SATB1: variants seen among roughly 807,000 people sequenced by gnomAD.
SATB1 encodes the protein DNA-binding protein SATB1.
SATB1 carries 11 observed loss-of-function variants against 86.9 expected under a neutral mutation model. That is an observed-to-expected ratio of 0.13 (90% CI 0.08 to 0.21). The LOEUF (loss-of-function observed/expected upper bound fraction) is 0.21, where lower values mean the gene tolerates loss of function less well. Ranked by LOEUF, SATB1 falls within the 10% of genes least tolerant of loss-of-function variation. The probability of loss-of-function intolerance (pLI) is 1.00; values close to 1 mark genes in which losing one functional copy is unlikely to be tolerated. For synonymous variants in SATB1, 357 were observed against 357.2 expected, an observed-to-expected ratio of 1.00 and a Z score of 0.01; for missense variants, 551 against 937.6, an observed-to-expected ratio of 0.59 and a Z score of 5.39.
rs1316595762 is a variant in SATB1, at chr3:18,347,028, T to G, written c.*2142A>C. On this transcript the variant is annotated 3_prime_UTR_variant, in exon 11 of 11. Coordinates refer to ENST00000338745, the MANE Select transcript of SATB1 (RefSeq NM_002971.6). ...TAAGTTTGCAACAAACCAGCTGCCT[T>G]CAGAGGAGCTTAGCTGTGCTTCAAA... 6.6e-6 allele frequency: 1 copy of G among 152,196 alleles called. No homozygotes were observed. Among genetic ancestry groups the G allele is most frequent in the Non-Finnish European group, 1.5e-5 (1 of 68,022 alleles). 9.4% of individuals were successfully genotyped at this position (152,196 alleles called of 1,614,324 possible).
intron 2 of SATB1, chr3:18,417,365 C>T (rs1046252216): frequency 3.6e-6 from 2 of 562,198 alleles, no homozygotes; most frequent in East Asian, 6.1e-5. Context: ...GCAGAATTAC[C>T]TTTCTGATCA....
chr3:18,379,259 C>A (rs562679640), intron 8 of SATB1, among the ~76,000 whole-genome samples: 2 of 152,208 alleles, frequency 1.3e-5, no homozygotes, highest in South Asian at 4.2e-4. Context: ...TTTAAAACTC[C>A]AAATTTATTT....
chr3:18,420,561 C>A, intron 2 of SATB1, 196 bp downstream of exon 2: 1 of 588,522 alleles, frequency 1.7e-6, no homozygotes, highest in Non-Finnish European at 3.0e-6. Flanking sequence ...TACAGTAGAA[C>A]GCTCCACCCA....
rs1697908052 is a variant in SATB1 at position 18,412,512 on chromosome 3, CT to C, written c.639+2598del. ...TTATCATATTCAACAAAATAAAACC[CT>C]TACTGTACAGTAAAATGTGTATGGT... On this transcript the variant is annotated intron_variant, in intron 5 of 10. Transcript: ENST00000338745. 3.9e-5 allele frequency among the ~76,000 whole-genome samples: 6 copies of C among 152,098 alleles called. No homozygotes were observed. The South Asian group carries it at 1.2e-3, about 32-fold the overall frequency.
intron 9 of SATB1, among the ~76,000 whole-genome samples, chr3:18,366,808 A>G (rs1288283060): frequency 1.3e-5 from 2 of 152,118 alleles, no homozygotes. Flanking sequence ...AATTCAACCC[A>G]TTATATGCCA....
At chr3:18,364,491 A>G (rs1226572255) in intron 9 of SATB1, among the ~76,000 whole-genome samples, 1 of 152,092 alleles carries the variant, frequency 6.6e-6, no homozygotes, top group Admixed American at 6.6e-5. Context: ...ACAAATTCAT[A>G]GGTATTGCTA....
rs544781053 is a variant in SATB1 at position 18,348,557 on chromosome 3, G to T, written c.*613C>A. 4 of 152,204 alleles carry T rather than the reference G, an allele frequency of 2.6e-5. No homozygotes were observed. The highest frequency in any genetic ancestry group is 1.3e-4 in the Admixed American group (2 of 15,250). 9.4% of individuals were successfully genotyped at this position (152,204 alleles called of 1,614,324 possible). ...TCTTTTCCTTTTTTTAAAAAATCAT[G>T]TAACAATGAGAATGAAAAAAAAGTA... is the stretch of plus-strand genomic sequence containing the variant. On this transcript the variant is annotated 3_prime_UTR_variant, in exon 11 of 11. Coordinates refer to ENST00000338745, the MANE Select transcript of SATB1 (RefSeq NM_002971.6).
chr3:18,370,119 T>C (rs559827424), intron 9 of SATB1, among the ~76,000 whole-genome samples: 50 of 152,298 alleles, frequency 3.3e-4, no homozygotes, highest in South Asian at 1.0e-3. Flanking sequence ...CCCGGCGTAT[T>C]TGGCTGCCTG....
At chr3:18,404,355 G>C (rs1206340379) in intron 5 of SATB1, among the ~76,000 whole-genome samples, 1 of 151,980 alleles carries the variant, frequency 6.6e-6, no homozygotes, top group East Asian at 1.9e-4. Flanking sequence ...TCAATTTGTT[G>C]AGAAGAGACT....
rs1299934077 is a variant in SATB1 at position 18,348,542 on chromosome 3, T to C, written c.*628A>G. The C allele has an allele frequency of 6.6e-6, 1 of 152,578 alleles. No individual in the cohort carries two copies. The highest frequency in any genetic ancestry group is 6.5e-5 in the Admixed American group (1 of 15,276). 9.5% of individuals were successfully genotyped at this position (152,578 alleles called of 1,614,324 possible). A position where few individuals can be genotyped will look rare whatever the true frequency, so the allele number is the denominator to read the frequency against. The stretch of plus-strand genomic sequence containing the variant: ...TTGTGTTTCACATTTTCTTTTCCTT[T>C]TTTTAAAAAATCATGTAACAATGAG... On this transcript the variant is annotated 3_prime_UTR_variant, in exon 11 of 11. Transcript: ENST00000338745.
chr3:18,419,165 T>A (rs1255621798), intron 2 of SATB1, among the ~76,000 whole-genome samples: 1 of 152,204 alleles, frequency 6.6e-6, no homozygotes, highest in Admixed American at 6.5e-5. Flanking sequence ...GGCTATAAAG[T>A]GACAATAGTA....
chr3:18,430,755 T>C lies in SATB1; in HGVS notation c.-25+6034A>G, dbSNP rs191312930. Among the ~76,000 whole-genome samples the C allele has an allele frequency of 3.3e-4, 51 of 152,330 alleles. No individual in the cohort carries two copies. In the East Asian group the frequency reaches 8.3e-3, roughly 25 times the overall value. ...GGTTTTGTTTTCTTCCCCTAAGAAG[T>C]TGAGTTTCAGTTTTAGCTAGAATGA... On this transcript the variant is annotated intron_variant, in intron 2 of 3. Coordinates refer to the SATB1 transcript ENST00000414509.
intron 6 of SATB1, among the ~76,000 whole-genome samples, chr3:18,395,257 G>A (rs1194834100): frequency 6.6e-6 from 1 of 152,096 alleles, no homozygotes; most frequent in Non-Finnish European, 1.5e-5. Context: ...TTTTAAAAAT[G>A]GCTTCTAAAA....
chr3:18,425,182 C>T lies in SATB1; in HGVS notation c.-1580G>A, dbSNP rs1575177247. 1 of 174,256 alleles carries T rather than the reference C, an allele frequency of 5.7e-6. No individual in the cohort carries two copies. The highest frequency in any genetic ancestry group is 1.2e-5 in the Non-Finnish European group (1 of 84,392). The allele number at this position is 174,256 out of a possible 1,614,324, so 10.8% of individuals were successfully genotyped here. On this transcript the variant is annotated 5_prime_UTR_variant, in exon 1 of 11. Coordinates refer to ENST00000338745, the MANE Select transcript of SATB1 (RefSeq NM_002971.6). ...CCGCCGCCGCTGCCGCTGTGGGTGC[C>T]TCTTCTTCCTCCTCCTCATTTTAAT...
intron 9 of SATB1, among the ~76,000 whole-genome samples, chr3:18,372,258 C>T (rs1304348101): frequency 1.3e-5 from 2 of 152,166 alleles, no homozygotes; most frequent in Non-Finnish European, 2.9e-5. Context: ...CAAATTAATT[C>T]TCTTCAAATC....
intron 10 of SATB1, chr3:18,351,476 A>G (rs1011571405): frequency 8.2e-7 from 1 of 1,226,184 alleles, no homozygotes; most frequent in Non-Finnish European, 1.1e-6. Flanking sequence ...GGAGACAGCT[A>G]TTACATACAA....
intron 5 of SATB1, among the ~76,000 whole-genome samples, chr3:18,400,572 A>G (rs532519675): frequency 1.1e-3 from 165 of 152,332 alleles, no homozygotes; most frequent in African/African-American, 3.8e-3. Flanking sequence ...GCACTGGGCA[A>G]GTCACTAGGA....
intron 2 of SATB1, among the ~76,000 whole-genome samples, chr3:18,420,301 A>C (rs886370767): frequency 6.6e-6 from 1 of 152,184 alleles, no homozygotes; most frequent in African/African-American, 2.4e-5. Context: ...AATAAGCCAC[A>C]AAAAATAACA....
intron 9 of SATB1, among the ~76,000 whole-genome samples, chr3:18,377,140 AGAT>A (rs1695800125): frequency 1.3e-5 from 2 of 152,324 alleles, no homozygotes; most frequent in Non-Finnish European, 2.9e-5. Context: ...AAATCTGAAA[AGAT>A]TATTATGTTA....
Sources: gnomAD v4.1 joint callset for allele counts (sites outside exome capture counted in the v4.1 genomes callset) on GRCh38, gnomAD v4.1.1 for gene constraint, MANE v1.5 for transcripts, NCBI Gene and HGNC (gene_info 2026-07-23, HGNC 2026-07-21) for gene names.